The following GRID2 variants were observed in gnomAD, a reference collection of about 807,000 sequenced individuals.
The protein encoded by GRID2 is glutamate ionotropic receptor delta type subunit 2.
GRID2 carries 33 observed loss-of-function variants against 114.8 expected under a neutral mutation model. The observed-to-expected ratio is 0.29, with a 90% CI of 0.22 to 0.38. GRID2 has a LOEUF of 0.38. Ranked by LOEUF, GRID2 falls within the 10% of genes least tolerant of loss-of-function variation. The pLI is 1.00. For synonymous variants in GRID2, 505 were observed against 449.9 expected (o/e 1.12, Z -1.55); for missense variants, 1,184 against 1,257.7 (o/e 0.94, Z 0.89).
At chr4:93,015,519 G>A (rs1437344512) in intron 2 of GRID2, among the ~76,000 whole-genome samples, 1 of 152,044 alleles carries the variant, frequency 6.6e-6, no homozygotes, top group Non-Finnish European at 1.5e-5. Flanking sequence ...ATCATCAAAT[G>A]GTTTTATACA....
chr4:92,764,096 T>C (rs1211826222), intron 2 of GRID2, among the ~76,000 whole-genome samples: 1 of 152,198 alleles, frequency 6.6e-6, no homozygotes, highest in Non-Finnish European at 1.5e-5. Flanking sequence ...GATGGTTGTC[T>C]GTGCTCTAGC....
chr4:92,740,149 T>C (rs1412906543), intron 2 of GRID2, among the ~76,000 whole-genome samples: 1 of 152,184 alleles, frequency 6.6e-6, no homozygotes, highest in African/African-American at 2.4e-5. Flanking sequence ...TCAATGCCCA[T>C]TTAAAGGCAA....
chr4:92,942,100 C>G (rs895356224), intron 2 of GRID2, among the ~76,000 whole-genome samples: 2 of 152,262 alleles, frequency 1.3e-5, no homozygotes, highest in Middle Eastern at 6.8e-3. Context: ...TGGTGCAGAG[C>G]TGAGTTCAAT....
intron 1 of GRID2, among the ~76,000 whole-genome samples, chr4:92,534,337 A>G (rs1187793821): frequency 6.6e-6 from 1 of 152,140 alleles, no homozygotes; most frequent in Non-Finnish European, 1.5e-5. Context: ...CACTTCAAAG[A>G]TTAGAATTAT....
intron 2 of GRID2, among the ~76,000 whole-genome samples, chr4:93,016,338 G>T (rs1389207749): frequency 6.6e-6 from 1 of 152,124 alleles, no homozygotes; most frequent in Non-Finnish European, 1.5e-5. Flanking sequence ...CGGTAACATA[G>T]ATCAGTAACT....
intron 2 of GRID2, among the ~76,000 whole-genome samples, chr4:92,868,074 GTCTGTCTGTCTGTCTT>G (rs1560653312): frequency 8.4e-6 from 1 of 119,662 alleles, no homozygotes; most frequent in Non-Finnish European, 1.8e-5. Context: ...CTTTCTGTCT[GTCTGTCTGTCTGTCTT>G]TCTTTCTTTC....
intron 1 of GRID2, among the ~76,000 whole-genome samples, chr4:92,368,113 A>G (rs1381133207): frequency 6.6e-6 from 1 of 152,104 alleles, no homozygotes; most frequent in East Asian, 1.9e-4. Context: ...TTTAGGCCCA[A>G]GTATGGGTGC....
At chr4:92,446,765 T>G (rs946959101) in intron 1 of GRID2, among the ~76,000 whole-genome samples, 2 of 152,248 alleles carry the variant, frequency 1.3e-5, no homozygotes, top group Non-Finnish European at 2.9e-5. Flanking sequence ...TTGCAACACC[T>G]TGCATAGATT....
intron 2 of GRID2, among the ~76,000 whole-genome samples, chr4:92,985,202 A>G (rs1754432491): frequency 6.6e-6 from 1 of 151,522 alleles, no homozygotes; most frequent in Non-Finnish European, 1.5e-5. Context: ...AATTTCTTAT[A>G]TATTTAATCC....
chr4:93,727,034 T>C (rs999176488), intron 14 of GRID2, among the ~76,000 whole-genome samples: 1 of 152,110 alleles, frequency 6.6e-6, no homozygotes, highest in Non-Finnish European at 1.5e-5. Flanking sequence ...TGAATAGGAG[T>C]GGCGAGAGAG....
At chr4:93,695,403 A>G (rs192199797) in intron 14 of GRID2, among the ~76,000 whole-genome samples, 8 of 152,322 alleles carry the variant, frequency 5.3e-5, no homozygotes, top group Admixed American at 1.3e-4. Context: ...GTGTAGAACC[A>G]AAAGACTAGA....
intron 1 of GRID2, among the ~76,000 whole-genome samples, chr4:92,383,798 C>T (rs541140110): frequency 3.9e-5 from 6 of 152,046 alleles, no homozygotes; most frequent in Non-Finnish European, 8.8e-5. Flanking sequence ...AGTCAGTTGG[C>T]TCCCAAATAA....
intron 2 of GRID2, among the ~76,000 whole-genome samples, chr4:92,865,503 T>G (rs1744795079): frequency 6.6e-6 from 1 of 152,216 alleles, no homozygotes; most frequent in African/African-American, 2.4e-5. Flanking sequence ...AGCACCTTTG[T>G]CTATAACTTG....
chr4:92,504,514 A>G (rs1409273475), intron 1 of GRID2, among the ~76,000 whole-genome samples: 1 of 152,032 alleles, frequency 6.6e-6, no homozygotes, highest in Non-Finnish European at 1.5e-5. Context: ...GAGTTCCTGT[A>G]CCTAATAAAC....
intron 9 of GRID2, among the ~76,000 whole-genome samples, chr4:93,400,701 G>A (rs1423468669): frequency 6.6e-6 from 1 of 152,086 alleles, no homozygotes; most frequent in Non-Finnish European, 1.5e-5. Flanking sequence ...TGGCATTTGG[G>A]AGGAGCTCAC....
intron 2 of GRID2, among the ~76,000 whole-genome samples, chr4:92,983,282 C>A (rs1253034844): frequency 6.6e-6 from 1 of 152,058 alleles, no homozygotes; most frequent in African/African-American, 2.4e-5. Flanking sequence ...TGGAGAGGAA[C>A]TTTTTACTGT....
chr4:93,044,577 T>C lies in GRID2; in HGVS notation c.245-40418T>C, dbSNP rs142866673. On this transcript the variant is annotated intron_variant, in intron 2 of 15. Transcript: ENST00000282020. The stretch of plus-strand genomic sequence containing the variant: ...TTTGCATCAGTCATCTATATTAATG[T>C]TGAAAAATCAAAGAGAAAATAGGAG... Among the ~76,000 whole-genome samples the C allele has an allele frequency of 2.7e-3, 412 of 152,308 alleles. 6 individuals carry two copies. The highest frequency in any genetic ancestry group is 9.4e-3 in the African/African-American group (389 of 41,572).
At chr4:92,815,951 A>C (rs147347313) in intron 2 of GRID2, among the ~76,000 whole-genome samples, 2 of 147,102 alleles carry the variant, frequency 1.4e-5, no homozygotes, top group Non-Finnish European at 3.0e-5. Flanking sequence ...AAAGAAAAAA[A>C]CAAAAAGCCA....
intron 1 of GRID2, among the ~76,000 whole-genome samples, chr4:92,414,200 T>C (rs1310919725): frequency 5.3e-5 from 8 of 152,092 alleles, no homozygotes; most frequent in Admixed American, 5.2e-4. Flanking sequence ...AGCTAACAAT[T>C]TATTAGAATG....
Sources: gnomAD v4.1 joint callset for allele counts (sites outside exome capture counted in the v4.1 genomes callset) on GRCh38, gnomAD v4.1.1 for gene constraint, MANE v1.5 for transcripts, NCBI Gene and HGNC (gene_info 2026-07-23, HGNC 2026-07-21) for gene names.